The following ARID2 variants were observed in gnomAD, a reference collection of about 807,000 sequenced individuals.
ARID2 encodes AT-rich interactive domain-containing protein 2.
A neutral mutation model predicts 184.6 loss-of-function variants in ARID2; 32 were observed. The ratio of observed to expected loss-of-function variants is 0.17; its 90% CI spans 0.13 to 0.23. ARID2 has a LOEUF of 0.23. Among genes scored for constraint, ARID2 ranks in the 10% least tolerant of loss-of-function variants. ARID2 has a pLI of 1.00. For missense variants in ARID2, 1,696 were observed against 2,197.6 expected (o/e 0.77, Z 4.56); for synonymous variants, 836 against 772.6 (o/e 1.08, Z -1.36).
chr12:45,804,977 T>C (rs951721044), intron 3 of ARID2, among the ~76,000 whole-genome samples: 2 of 152,116 alleles, frequency 1.3e-5, no homozygotes, highest in African/African-American at 4.8e-5. Flanking sequence ...TACCATTTTG[T>C]TGTTGATGGC....
chr12:45,852,541 C>G lies in ARID2; in HGVS notation c.4418C>G (p.Ser1473Cys), dbSNP rs764728025. Residue 1473 changes from serine to cysteine, a missense_variant, in exon 15 of 21, where the codon TCT (serine) becomes TGT (cysteine). This residue lies in a region of ARID2 where 428 missense variants were observed against 409.1 expected (regional missense o/e 1.05). Transcript: ENST00000334344. ...CCAAGTGTAGTTGTCTCACCACATT[C>G]TACAACCTCTGTTATACAGGGACAT... is the stretch of plus-strand genomic sequence containing the variant. ...QRPSVVVSPH[S>C]TTSVIQGHQI... 6.2e-7 allele frequency: 1 copy of G among 1,614,162 alleles called. No homozygotes were observed. Among genetic ancestry groups the G allele is most frequent in the Non-Finnish European group, 8.5e-7 (1 of 1,180,018 alleles).
At position 45,859,826 on chromosome 12, in the gene ARID2, C is replaced by T. The variant is rs998268199; in HGVS notation, c.4774-975C>T. 7.2e-5 allele frequency among the ~76,000 whole-genome samples: 11 copies of T among 152,120 alleles called. No homozygotes were observed. In the East Asian group the frequency reaches 9.6e-4, roughly 13 times the overall value. ...TCAGCTCACTGCAACCTCTGCCTCC[C>T]GGGTTCAAGTGATTCTCCTGCCTCA... On this transcript the variant is annotated intron_variant, in intron 15 of 20. Coordinates refer to ENST00000334344, the MANE Select transcript of ARID2 (RefSeq NM_152641.4).
intron 3 of ARID2, among the ~76,000 whole-genome samples, chr12:45,739,214 G>C (rs778075773): frequency 6.6e-5 from 10 of 151,886 alleles, no homozygotes; most frequent in Non-Finnish European, 1.2e-4. Flanking sequence ...CCTGACCTCA[G>C]GTGATTCACC....
At chr12:45,800,116 A>T (rs1942468765) in intron 3 of ARID2, among the ~76,000 whole-genome samples, 2 of 152,168 alleles carry the variant, frequency 1.3e-5, no homozygotes, top group African/African-American at 4.8e-5. Context: ...TCCCAAAGTG[A>T]TGGGATTACA....
intron 3 of ARID2, among the ~76,000 whole-genome samples, chr12:45,799,562 T>C (rs978740471): frequency 6.6e-6 from 1 of 152,158 alleles, no homozygotes; most frequent in Non-Finnish European, 1.5e-5. Context: ...GTAGAAATAA[T>C]GCAACTATAA....
rs773324646 is a variant in ARID2, at chr12:45,851,527, C to A, written c.3404C>A (p.Pro1135Gln). 2 of 1,614,136 alleles carry A rather than the reference C, an allele frequency of 1.2e-6. No individual in the cohort carries two copies. The highest frequency in any genetic ancestry group is 4.5e-5 in the East Asian group (2 of 44,876). The change falls in exon 15 of 21, where the codon CCA becomes CAA. Residue 1135 changes from proline (P) to glutamine (Q), a missense_variant. Around this residue, in one of 11 missense-constraint regions of ARID2, gnomAD observed 713 missense variants for 824.4 expected, o/e 0.86. Coordinates refer to ENST00000334344, the MANE Select transcript of ARID2 (RefSeq NM_152641.4). The stretch of plus-strand genomic sequence containing the variant: ...GTTCAGTTGGTCCCAAGTGCAATGC[C>A]ACCCTCAGGGGGAGTACAAACTGTG... Reference protein sequence around the residue: ...QNVQLVPSAMPPSGGVQTVPI... With the variant: ...QNVQLVPSAMQPSGGVQTVPI...
intron 3 of ARID2, among the ~76,000 whole-genome samples, chr12:45,760,143 C>G (rs1309926496): frequency 6.6e-6 from 1 of 151,882 alleles, no homozygotes; most frequent in African/African-American, 2.4e-5. Context: ...GCTTAATTTC[C>G]AGATATAATA....
intron 3 of ARID2, among the ~76,000 whole-genome samples, chr12:45,744,665 C>T (rs1941323758): frequency 1.3e-5 from 2 of 151,818 alleles, no homozygotes; most frequent in African/African-American, 4.8e-5. Flanking sequence ...TAAATTATTG[C>T]TTGATTTTTA....
rs561655633 is a variant in ARID2 at position 45,871,105 on chromosome 12, A to G, written c.4922+10156A>G. ...CAGTGAATGAGAATTTTGTTGCTTC[A>G]TATCCTTGCCAACATTTAGTTTTGT... On this transcript the variant is annotated intron_variant, in intron 16 of 20. Coordinates refer to ENST00000334344, the MANE Select transcript of ARID2 (RefSeq NM_152641.4). Among the ~76,000 whole-genome samples the G allele has an allele frequency of 1.4e-4, 21 of 152,330 alleles. No homozygotes were observed. In the South Asian group the frequency reaches 4.3e-3, roughly 32 times the overall value.
intron 6 of ARID2, among the ~76,000 whole-genome samples, chr12:45,827,898 A>G (rs1408010056): frequency 6.6e-6 from 1 of 152,110 alleles, no homozygotes; most frequent in Non-Finnish European, 1.5e-5. Flanking sequence ...AGTTAACAGA[A>G]AATTTTAATT....
chr12:45,900,025 G>C (rs1944437187), intron 20 of ARID2, among the ~76,000 whole-genome samples: 1 of 151,620 alleles, frequency 6.6e-6, no homozygotes, highest in South Asian at 2.1e-4. Context: ...GTTTGATGTT[G>C]AGCCAAGTGC....
intron 10 of ARID2, among the ~76,000 whole-genome samples, 177 bp downstream of exon 10, chr12:45,837,884 A>G (rs550825156): frequency 1.3e-5 from 2 of 152,262 alleles, no homozygotes; most frequent in East Asian, 1.9e-4. Flanking sequence ...AGTGATGGCT[A>G]TTTTTACAAT....
chr12:45,779,846 C>T (rs867633955), intron 3 of ARID2, among the ~76,000 whole-genome samples: 16 of 151,942 alleles, frequency 1.1e-4, no homozygotes, highest in African/African-American at 3.6e-4. Context: ...GCTCATTTAT[C>T]AAATTTTAGG....
At position 45,860,944 on chromosome 12, in the gene ARID2, TA is replaced by T; in HGVS notation, c.4922del (p.Lys1641SerfsTer60). On this transcript the variant is annotated frameshift_variant, in exon 16 of 21. Transcript: ENST00000334344. LOFTEE classifies it high-confidence loss of function. ...QNFMCLWQSC[K>X]KWFQTPSQVF... ...ACTTCATGTGTCTGTGGCAGTCTTG[TA>T]AAAAGTAAATGGCAATTTTATTTGA... 1 of 1,557,168 alleles carries T rather than the reference TA, an allele frequency of 6.4e-7. No homozygotes were observed. Among genetic ancestry groups the T allele is most frequent in the South Asian group, 1.3e-5 (1 of 79,828 alleles).
chr12:45,765,517 T>G (rs1323782337), intron 3 of ARID2, among the ~76,000 whole-genome samples: 1 of 151,868 alleles, frequency 6.6e-6, no homozygotes, highest in Non-Finnish European at 1.5e-5. Flanking sequence ...GGCCTCGGTT[T>G]TTTTTTTTTT....
chr12:45,890,185 A>G (rs1944276382), intron 16 of ARID2, among the ~76,000 whole-genome samples: 1 of 152,240 alleles, frequency 6.6e-6, no homozygotes, highest in Non-Finnish European at 1.5e-5. Context: ...AGACTAATGA[A>G]CACTTAAAAA....
chr12:45,798,073 C>T (rs1475071146), intron 3 of ARID2, among the ~76,000 whole-genome samples: 1 of 152,044 alleles, frequency 6.6e-6, no homozygotes, highest in East Asian at 1.9e-4. Context: ...AGAAATACAC[C>T]ATATACACAG....
chr12:45,784,495 T>C (rs556576725), intron 3 of ARID2, among the ~76,000 whole-genome samples: 59 of 152,230 alleles, frequency 3.9e-4, no homozygotes, highest in African/African-American at 1.3e-3. Context: ...CTGGGCAATG[T>C]GGTGAAACAC....
intron 11 of ARID2, chr12:45,846,080 A>G (rs1230341543): frequency 6.6e-6 from 1 of 152,128 alleles, no homozygotes; most frequent in African/African-American, 2.4e-5. Context: ...TAGGTGATTT[A>G]CTCATTTATT....
Sources: gnomAD v4.1 joint callset for allele counts (sites outside exome capture counted in the v4.1 genomes callset) on GRCh38, gnomAD v4.1.1 for gene constraint, gnomAD v4.1.1 regional missense constraint, MANE v1.5 for transcripts, NCBI Gene and HGNC (gene_info 2026-07-23, HGNC 2026-07-21) for gene names.